ASIC2: variants seen among roughly 807,000 people sequenced by gnomAD.
ASIC2 encodes the protein acid-sensing ion channel 2.
ASIC2 carries 25 observed loss-of-function variants against 57.3 expected under a neutral mutation model. That is an observed-to-expected ratio of 0.44 (90% CI 0.32 to 0.61). ASIC2 has a LOEUF of 0.61. Ranked by LOEUF, ASIC2 falls within the 20% of genes least tolerant of loss-of-function variation. ASIC2 has a pLI of 0.06. For synonymous variants in ASIC2, 319 were observed against 307.5 expected, an observed-to-expected ratio of 1.04 and a Z score of -0.39; for missense variants, 641 against 738.1, an observed-to-expected ratio of 0.87 and a Z score of 1.52.
intron 6 of ASIC2, 113 bp downstream of exon 6, chr17:33,023,748 A>C: frequency 7.1e-7 from 1 of 1,403,410 alleles, no homozygotes; most frequent in Non-Finnish European, 9.8e-7. Flanking sequence ...GTGTTCAACT[A>C]ATGTTTGCTA....
intron 3 of ASIC2, among the ~76,000 whole-genome samples, chr17:33,078,665 T>G (rs1325128448): frequency 6.6e-6 from 1 of 152,210 alleles, no homozygotes; most frequent in Non-Finnish European, 1.5e-5. Context: ...CTCCAACTCC[T>G]GATTCTCCCT....
At chr17:33,735,674 C>A (rs1909890233) in intron 1 of ASIC2, among the ~76,000 whole-genome samples, 1 of 152,002 alleles carries the variant, frequency 6.6e-6, no homozygotes, top group Non-Finnish European at 1.5e-5. Flanking sequence ...CATCAGAGAG[C>A]CAAATCCCTT....
chr17:34,023,405 A>T (rs940425668), intron 1 of ASIC2, among the ~76,000 whole-genome samples: 3 of 149,246 alleles, frequency 2.0e-5, no homozygotes, highest in East Asian at 3.9e-4. Context: ...ACACACACAC[A>T]CTTCAGATTT....
chr17:33,653,082 T>C (rs1261364738), intron 1 of ASIC2, among the ~76,000 whole-genome samples: 1 of 152,206 alleles, frequency 6.6e-6, no homozygotes, highest in Non-Finnish European at 1.5e-5. Context: ...AAGGGTGTTA[T>C]AAAGATAAAG....
chr17:33,645,638 C>T (rs560398024), intron 1 of ASIC2, among the ~76,000 whole-genome samples: 1 of 152,302 alleles, frequency 6.6e-6, no homozygotes, highest in East Asian at 1.9e-4. Flanking sequence ...GATCTTTACT[C>T]CTTACCCATA....
At chr17:33,166,625 C>T (rs1905315585) in intron 1 of ASIC2, among the ~76,000 whole-genome samples, 1 of 152,162 alleles carries the variant, frequency 6.6e-6, no homozygotes, top group Non-Finnish European at 1.5e-5. Flanking sequence ...TCCCCTAGGG[C>T]CTCAAATAAG....
At chr17:33,220,829 G>A (rs1452915974) in intron 1 of ASIC2, among the ~76,000 whole-genome samples, 2 of 152,030 alleles carry the variant, frequency 1.3e-5, no homozygotes, top group Non-Finnish European at 2.9e-5. Flanking sequence ...GTACTTTGGG[G>A]GGCCGAGGCG....
chr17:33,021,103 G>T, intron 7 of ASIC2, 116 bp downstream of exon 7: 1 of 700,666 alleles, frequency 1.4e-6, no homozygotes, highest in Non-Finnish European at 2.3e-6. Flanking sequence ...TAAATCAAAA[G>T]GTTAGACTCC....
intron 1 of ASIC2, among the ~76,000 whole-genome samples, chr17:34,073,882 C>T (rs1287701191): frequency 6.6e-6 from 1 of 152,158 alleles, no homozygotes; most frequent in Non-Finnish European, 1.5e-5. Flanking sequence ...GCTGGCCACC[C>T]AGGTGTGTGA....
At chr17:33,753,691 C>T (rs1196048392) in intron 1 of ASIC2, among the ~76,000 whole-genome samples, 2 of 152,174 alleles carry the variant, frequency 1.3e-5, no homozygotes, top group Admixed American at 1.3e-4. Context: ...TACAGCTCAT[C>T]CTTTGCCTTA....
chr17:33,262,903 A>C (rs1186802890), intron 1 of ASIC2, among the ~76,000 whole-genome samples: 1 of 152,120 alleles, frequency 6.6e-6, no homozygotes, highest in Non-Finnish European at 1.5e-5. Flanking sequence ...GTGAGGGCTT[A>C]AGGCTGCCGT....
At chr17:33,019,653 C>G (rs942289440) in intron 7 of ASIC2, among the ~76,000 whole-genome samples, 6 of 152,066 alleles carry the variant, frequency 3.9e-5, no homozygotes, top group South Asian at 2.1e-4. Flanking sequence ...GGCACACGCT[C>G]TCATCACAGG....
intron 1 of ASIC2, among the ~76,000 whole-genome samples, chr17:33,444,001 T>C (rs994851156): frequency 2.6e-5 from 4 of 152,196 alleles, no homozygotes; most frequent in African/African-American, 7.2e-5. Flanking sequence ...CAGCCCCCTC[T>C]GGCAGTGAAG....
chr17:33,872,944 G>A (rs971756609), intron 1 of ASIC2, among the ~76,000 whole-genome samples: 2 of 152,130 alleles, frequency 1.3e-5, no homozygotes, highest in Admixed American at 6.6e-5. Context: ...AACTAGGCAA[G>A]GGGAAAGGTG....
chr17:33,464,891 C>T (rs927936219), intron 1 of ASIC2, among the ~76,000 whole-genome samples: 12 of 151,934 alleles, frequency 7.9e-5, no homozygotes, highest in African/African-American at 2.9e-4. Flanking sequence ...GGACTTTTCA[C>T]AGTTTACAAG....
intron 1 of ASIC2, among the ~76,000 whole-genome samples, chr17:33,670,512 C>T (rs964742733): frequency 5.3e-5 from 8 of 152,204 alleles, no homozygotes; most frequent in East Asian, 1.9e-4. Flanking sequence ...TCAACGGTGA[C>T]GAAGGCTTCC....
At chr17:33,216,048 T>G (rs1907473816) in intron 1 of ASIC2, among the ~76,000 whole-genome samples, 1 of 152,242 alleles carries the variant, frequency 6.6e-6, no homozygotes, top group Admixed American at 6.5e-5. Context: ...CAAATAAACT[T>G]AGGTCTACAG....
chr17:33,023,737 G>A (rs1243477530), intron 6 of ASIC2, 124 bp downstream of exon 6: 1 of 1,269,860 alleles, frequency 7.9e-7, no homozygotes, highest in Non-Finnish European at 1.1e-6. Flanking sequence ...ACACACAGAG[G>A]GTGTTCAACT....
At chr17:33,407,870 T>C (rs72821166) in intron 1 of ASIC2, among the ~76,000 whole-genome samples, 6,275 of 152,296 alleles carry the variant, frequency 0.041, 174 homozygotes, top group Middle Eastern at 0.058. Flanking sequence ...TTGGATCAAA[T>C]GCCAGGCCAG....
Sources: gnomAD v4.1 joint callset for allele counts (sites outside exome capture counted in the v4.1 genomes callset) on GRCh38, gnomAD v4.1.1 for gene constraint, MANE v1.5 for transcripts, NCBI Gene and HGNC (gene_info 2026-07-23, HGNC 2026-07-21) for gene names.